SPIRE1: variants seen among roughly 807,000 people sequenced by gnomAD.
The protein encoded by SPIRE1 is protein spire homolog 1.
SPIRE1 carries 40 observed loss-of-function variants against 94.1 expected under a neutral mutation model. The observed-to-expected ratio is 0.43, with a 90% CI of 0.33 to 0.55. The LOEUF (loss-of-function observed/expected upper bound fraction) is 0.55, where lower values mean the gene tolerates loss of function less well. Among genes scored for constraint, SPIRE1 ranks in the 20% least tolerant of loss-of-function variants. The pLI, the probability that SPIRE1 is intolerant of heterozygous loss-of-function variation, is 0.06. For missense variants in SPIRE1, 838 were observed against 975.2 expected (o/e 0.86, Z 1.87); for synonymous variants, 376 against 371.7 (o/e 1.01, Z -0.13).
At chr18:12,450,868 C>A in intron 16 of SPIRE1, 1 of 730,952 alleles carries the variant, frequency 1.4e-6, no homozygotes, top group Non-Finnish European at 2.5e-6. Flanking sequence ...AGCAGCCTTA[C>A]ACCACTAAGG....
intron 1 of SPIRE1, among the ~76,000 whole-genome samples, chr18:12,640,108 T>C (rs2038045507): frequency 6.6e-6 from 1 of 152,194 alleles, no homozygotes; most frequent in South Asian, 2.1e-4. Context: ...ATGCAAATAA[T>C]ACTTTCAAAT....
Position 12,464,884 on chromosome 18 carries a change from G to A in SPIRE1, c.1479C>T (p.Ala493=), listed in dbSNP as rs375782666. The A allele has an allele frequency of 5.0e-6, 8 of 1,613,622 alleles. No individual in the cohort carries two copies. In the Admixed American group the frequency reaches 6.7e-5, roughly 13 times the overall value. ...ACTACTCACTCTTCCTTGTGGACACGGCCTCCAGGACTGGCTCTTCAGGGA... is the reference window on the plus strand; with the variant it reads ...ACTACTCACTCTTCCTTGTGGACACAGCCTCCAGGACTGGCTCTTCAGGGA... ...PSFPEEPVLE[A]VSTRKKPPKF... Residue 493 remains alanine, a synonymous_variant, in exon 11 of 17, where the codon GCC becomes GCT. Coordinates refer to ENST00000409402, the MANE Select transcript of SPIRE1 (RefSeq NM_001128626.2).
At chr18:12,533,639 G>T (rs959940652) in intron 4 of SPIRE1, among the ~76,000 whole-genome samples, 5 of 152,110 alleles carry the variant, frequency 3.3e-5, no homozygotes, top group African/African-American at 1.2e-4. Flanking sequence ...AGGACTTTAA[G>T]AGCTCATTTA....
rs35809260 is a variant in SPIRE1, at chr18:12,555,305, C to CAA, written c.373-8403_373-8402dup. The stretch of plus-strand genomic sequence containing the variant: ...GAACCAGAACCAGACAAAGACTTAT[C>CAA]AAAAAAAAAAAAAATTTTTTTTTGG... On this transcript the variant is annotated intron_variant, in intron 2 of 16. Transcript: ENST00000409402. Among the ~76,000 whole-genome samples the CAA allele has an allele frequency of 6.7e-5, 8 of 119,468 alleles. No individual in the cohort carries two copies. The East Asian group carries it at 9.8e-4, about 15-fold the overall frequency. 78.4% of individuals were successfully genotyped at this position (119,468 alleles called of 152,430 possible). A position where few individuals can be genotyped will look rare whatever the true frequency, so the allele number is the denominator to read the frequency against.
At chr18:12,549,065 C>T (rs2035259304) in intron 2 of SPIRE1, among the ~76,000 whole-genome samples, 1 of 152,190 alleles carries the variant, frequency 6.6e-6, no homozygotes, top group South Asian at 2.1e-4. Flanking sequence ...GCTTCCCTGG[C>T]ACAGGGTACA....
chr18:12,561,373 G>A (rs1356468360), intron 2 of SPIRE1, among the ~76,000 whole-genome samples: 2 of 151,406 alleles, frequency 1.3e-5, no homozygotes, highest in East Asian at 1.9e-4. Flanking sequence ...AGGTTCAGGC[G>A]ATTCTCCTGC....
intron 2 of SPIRE1, among the ~76,000 whole-genome samples, chr18:12,577,513 GA>G (rs1202202044): frequency 6.6e-6 from 1 of 151,912 alleles, no homozygotes; most frequent in East Asian, 1.9e-4. Context: ...GAAAATTCTA[GA>G]AAAAAAGGAG....
At chr18:12,461,495 C>CATATGT (rs1568183964) in intron 12 of SPIRE1, among the ~76,000 whole-genome samples, 5 of 54,732 alleles carry the variant, frequency 9.1e-5, no homozygotes, top group African/African-American at 2.1e-4. Flanking sequence ...TGTGTGTATG[C>CATATGT]ACGTACATAT....
intron 10 of SPIRE1, among the ~76,000 whole-genome samples, chr18:12,477,235 T>G (rs1436817397): frequency 6.6e-6 from 1 of 152,122 alleles, no homozygotes; most frequent in African/African-American, 2.4e-5. Context: ...GGAAGGTAGT[T>G]CCTGGCAGCT....
intron 1 of SPIRE1, among the ~76,000 whole-genome samples, chr18:12,654,286 G>C (rs548395070): frequency 4.3e-5 from 6 of 140,044 alleles, no homozygotes; most frequent in Non-Finnish European, 9.1e-5. Flanking sequence ...GCAGTCAGCC[G>C]AGACTGCACC....
At chr18:12,562,657 C>T (rs1265050208) in intron 2 of SPIRE1, among the ~76,000 whole-genome samples, 1 of 103,374 alleles carries the variant, frequency 9.7e-6, no homozygotes, top group Non-Finnish European at 1.8e-5. Context: ...CCGCCCCCCA[C>T]CCCCAATGCC....
At chr18:12,545,790 T>C (rs2035144880) in intron 3 of SPIRE1, among the ~76,000 whole-genome samples, 1 of 152,142 alleles carries the variant, frequency 6.6e-6, no homozygotes, top group African/African-American at 2.4e-5. Flanking sequence ...TGGATCACAG[T>C]TGTTTTTTAC....
At chr18:12,535,144 G>A (rs974691357) in intron 4 of SPIRE1, among the ~76,000 whole-genome samples, 1 of 152,176 alleles carries the variant, frequency 6.6e-6, no homozygotes, top group Non-Finnish European at 1.5e-5. Flanking sequence ...TTTCAGAATG[G>A]ACAGAAGAGA....
intron 2 of SPIRE1, among the ~76,000 whole-genome samples, chr18:12,552,965 C>A (rs924940737): frequency 1.3e-5 from 2 of 152,170 alleles, no homozygotes; most frequent in African/African-American, 4.8e-5. Context: ...TCTAGGTATA[C>A]CCTGGGGCAG....
chr18:12,463,576 T>C, intron 11 of SPIRE1, 83 bp from the exon 12 acceptor site: 5 of 1,114,830 alleles, frequency 4.5e-6, no homozygotes, highest in Non-Finnish European at 5.2e-6. Context: ...AACACTGTAA[T>C]TCAAAGATGA....
intron 2 of SPIRE1, among the ~76,000 whole-genome samples, chr18:12,607,642 GTC>G (rs2037022469): frequency 8.4e-6 from 1 of 119,656 alleles, no homozygotes; most frequent in Non-Finnish European, 1.8e-5. Context: ...CACACACACA[GTC>G]TCTTGTTTTC....
intron 1 of SPIRE1, among the ~76,000 whole-genome samples, chr18:12,644,544 T>C (rs1287016776): frequency 6.6e-6 from 1 of 152,180 alleles, no homozygotes; most frequent in Non-Finnish European, 1.5e-5. Context: ...ATAAAATATA[T>C]GGAAATCCAT....
At chr18:12,514,144 C>T (rs918941011) in intron 4 of SPIRE1, among the ~76,000 whole-genome samples, 2 of 152,170 alleles carry the variant, frequency 1.3e-5, no homozygotes, top group Non-Finnish European at 2.9e-5. Context: ...TTTACCTCAT[C>T]TCCTACTATT....
chr18:12,497,994 G>A (rs1418264213), intron 6 of SPIRE1, among the ~76,000 whole-genome samples: 2 of 152,326 alleles, frequency 1.3e-5, no homozygotes, highest in East Asian at 1.9e-4. Context: ...ATGCTCCTGA[G>A]GGAGGCAGCA....
Sources: gnomAD v4.1 joint callset for allele counts (sites outside exome capture counted in the v4.1 genomes callset) on GRCh38, gnomAD v4.1.1 for gene constraint, MANE v1.5 for transcripts, NCBI Gene and HGNC (gene_info 2026-07-23, HGNC 2026-07-21) for gene names.